The following NID1 variants were observed in gnomAD, a reference collection of about 807,000 sequenced individuals.
The protein encoded by NID1 is nidogen 1.
A neutral mutation model predicts 130.6 loss-of-function variants in NID1; 76 were observed. That is an observed-to-expected ratio of 0.58 (90% CI 0.48 to 0.70). The LOEUF (loss-of-function observed/expected upper bound fraction) is 0.70, where lower values mean the gene tolerates loss of function less well. Ranked by LOEUF, NID1 falls within the 30% of genes least tolerant of loss-of-function variation. The probability of loss-of-function intolerance (pLI) is 0.00; values close to 1 mark genes in which losing one functional copy is unlikely to be tolerated. For synonymous variants in NID1, 665 were observed against 675.1 expected (o/e 0.98, Z 0.23); for missense variants, 1,517 against 1,664.8 (o/e 0.91, Z 1.54).
At chr1:236,059,617 C>G (rs938170001) in intron 1 of NID1, among the ~76,000 whole-genome samples, 1 of 152,128 alleles carries the variant, frequency 6.6e-6, no homozygotes, top group African/African-American at 2.4e-5. Context: ...ATTAACCCCA[C>G]AGAAGAAATG....
intron 8 of NID1, 83 bp from the exon 9 acceptor site, chr1:236,024,296 C>T: frequency 6.6e-7 from 1 of 1,510,360 alleles, no homozygotes; most frequent in Non-Finnish European, 9.0e-7. Flanking sequence ...TCAACCACAA[C>T]TGGTGAGCAA....
chr1:235,981,799 A>ATCTT lies in NID1; in HGVS notation c.3056-18_3056-17insAAGA. On this transcript the variant is annotated splice_polypyrimidine_tract_variant and intron_variant, in intron 15 of 19. Transcript: ENST00000264187. ...TTCCAAGATCTAGAAGTAAACACAG[A>ATCTT]GCTCCTCTAATTTTTTTTGTTTTCT... 1.4e-5 allele frequency: 22 copies of ATCTT among 1,574,812 alleles called. No individual in the cohort carries two copies. Among genetic ancestry groups the ATCTT allele is most frequent in the Non-Finnish European group, 1.8e-5 (21 of 1,160,742 alleles).
rs1008426384 is a variant in NID1 at position 235,976,515 on chromosome 1, G to A, written c.*1352C>T. 6 of 151,614 alleles carry A rather than the reference G, an allele frequency of 4.0e-5. No individual in the cohort carries two copies. Among genetic ancestry groups the A allele is most frequent in the Admixed American group, 3.3e-4 (5 of 15,218 alleles). The allele number at this position is 151,614 out of a possible 1,614,324, so 9.4% of individuals were successfully genotyped here. A position where few individuals can be genotyped will look rare whatever the true frequency, so the allele number is the denominator to read the frequency against. ...GTGATACTTTTCATTGAATCATCTCGACTCCTTTATCCCATCCTTTACTGA... is the reference window on the plus strand; with the variant it reads ...GTGATACTTTTCATTGAATCATCTCAACTCCTTTATCCCATCCTTTACTGA... On this transcript the variant is annotated 3_prime_UTR_variant, in exon 20 of 20. Coordinates refer to ENST00000264187, the MANE Select transcript of NID1 (RefSeq NM_002508.3).
chr1:235,982,128 G>A (rs1440709250), intron 15 of NID1, among the ~76,000 whole-genome samples: 1 of 152,198 alleles, frequency 6.6e-6, no homozygotes, highest in African/African-American at 2.4e-5. Context: ...CCCAGCCTGG[G>A]GAGAACAGGG....
Position 235,979,164 on chromosome 1 carries a change from C to T in NID1, c.3510-57G>A. On this transcript the variant is annotated intron_variant, in intron 18 of 19. Transcript: ENST00000264187. This position sits in a 1 kb window ranked among gnomAD's most constrained non-coding sequence, Gnocchi z 4.6. ...CACATCTGATGGCTTGAACTTGTAT[C>T]TAAACAAGGCAGCCTCTTTGTCATT... 9.2e-7 allele frequency: 1 copy of T among 1,086,880 alleles called. No homozygotes were observed. The highest frequency in any genetic ancestry group is 1.4e-6 in the Non-Finnish European group (1 of 706,082). The allele number at this position is 1,086,880 out of a possible 1,614,324, so 67.3% of individuals were successfully genotyped here.
intron 1 of NID1, among the ~76,000 whole-genome samples, chr1:236,049,310 C>G (rs1192678561): frequency 1.3e-5 from 2 of 152,128 alleles, no homozygotes; most frequent in Non-Finnish European, 2.9e-5. Context: ...GATCCCATCT[C>G]TACACAAAAA....
chr1:236,038,474 C>T (rs1004219407), intron 4 of NID1, among the ~76,000 whole-genome samples: 15 of 152,052 alleles, frequency 9.9e-5, no homozygotes, highest in African/African-American at 3.4e-4. Context: ...CTGAGGCAAA[C>T]AGGTCTAAAA....
At chr1:236,030,477 C>G (rs74149169) in intron 6 of NID1, among the ~76,000 whole-genome samples, 1,766 of 152,074 alleles carry the variant, frequency 0.012, 35 homozygotes, top group African/African-American at 0.041. Context: ...AAAAAAAAAT[C>G]AAAAGAACAG....
intron 1 of NID1, among the ~76,000 whole-genome samples, chr1:236,056,989 T>C (rs762361651): frequency 2.6e-5 from 4 of 152,192 alleles, no homozygotes; most frequent in Non-Finnish European, 4.4e-5. Flanking sequence ...AAGTACACGA[T>C]GGCTCATGCC....
intron 9 of NID1, among the ~76,000 whole-genome samples, chr1:236,021,395 C>T (rs1157356054): frequency 1.3e-5 from 2 of 152,224 alleles, no homozygotes; most frequent in East Asian, 3.8e-4. Context: ...GCCAAACATA[C>T]AGCCTGCACT....
At position 235,977,744 on chromosome 1, in the gene NID1, A is replaced by C; in HGVS notation, c.*123T>G. The C allele has an allele frequency of 9.0e-7, 1 of 1,114,314 alleles. No homozygotes were observed. Among genetic ancestry groups the C allele is most frequent in the Middle Eastern group, 2.4e-4 (1 of 4,104 alleles). 69.0% of individuals were successfully genotyped at this position (1,114,314 alleles called of 1,614,324 possible). A position where few individuals can be genotyped will look rare whatever the true frequency, so the allele number is the denominator to read the frequency against. On this transcript the variant is annotated 3_prime_UTR_variant, in exon 20 of 20. Coordinates refer to ENST00000264187, the MANE Select transcript of NID1 (RefSeq NM_002508.3). ...AGTGAGGGAAAAGTTGTTGGGGCTC[A>C]GGCTGGGCTGGGTCTGGGCCTAGTG... is the stretch of plus-strand genomic sequence containing the variant.
chr1:236,045,140 A>C (rs1659560416), intron 3 of NID1, among the ~76,000 whole-genome samples: 1 of 146,760 alleles, frequency 6.8e-6, no homozygotes, highest in African/African-American at 2.5e-5. Flanking sequence ...CAGAGGTTGC[A>C]GTGAGTCGAG....
intron 1 of NID1, among the ~76,000 whole-genome samples, chr1:236,056,589 A>G (rs1659903519): frequency 6.6e-6 from 1 of 152,228 alleles, no homozygotes. Flanking sequence ...TATTCCTTCT[A>G]TCGAACTGTA....
intron 8 of NID1, among the ~76,000 whole-genome samples, chr1:236,025,260 T>C (rs1658890194): frequency 7.1e-6 from 1 of 140,568 alleles, no homozygotes; most frequent in Non-Finnish European, 1.5e-5. Context: ...CCCTACAATT[T>C]CTCTTTTTTT....
At chr1:236,027,129 G>A (rs1040019208) in intron 7 of NID1, among the ~76,000 whole-genome samples, 8 of 152,138 alleles carry the variant, frequency 5.3e-5, no homozygotes, top group Non-Finnish European at 8.8e-5. Context: ...CAGTAGCCAG[G>A]TTTGGAAAAA....
At chr1:236,029,772 T>C (rs1425766995) in intron 6 of NID1, 22 bp from the exon 7 acceptor site, 2 of 1,613,270 alleles carry the variant, frequency 1.2e-6, no homozygotes, top group African/African-American at 2.7e-5. Flanking sequence ...GATGAGACTG[T>C]CACTTTGCTG....
chr1:235,989,416 G>A (rs1657664578), intron 14 of NID1, among the ~76,000 whole-genome samples: 1 of 152,174 alleles, frequency 6.6e-6, no homozygotes, highest in East Asian at 1.9e-4. Flanking sequence ...TGATCTTCAA[G>A]GTTTACATTT....
At chr1:236,055,648 C>T (rs1282177740) in intron 1 of NID1, among the ~76,000 whole-genome samples, 1 of 151,032 alleles carries the variant, frequency 6.6e-6, no homozygotes, top group Non-Finnish European at 1.5e-5. Flanking sequence ...GAGTGAGACT[C>T]CATCTCAAAA....
intron 14 of NID1, among the ~76,000 whole-genome samples, chr1:235,989,509 C>A (rs1657667517): frequency 1.3e-5 from 2 of 152,194 alleles, no homozygotes; most frequent in South Asian, 2.1e-4. Flanking sequence ...ATATGCCAAG[C>A]AGTTTTGGGT....
Sources: gnomAD v4.1 joint callset for allele counts (sites outside exome capture counted in the v4.1 genomes callset) on GRCh38, gnomAD v4.1.1 for gene constraint, Gnocchi (gnomAD v3.1) non-coding constraint, MANE v1.5 for transcripts, NCBI Gene and HGNC (gene_info 2026-07-23, HGNC 2026-07-21) for gene names.